HS3ST5: variants seen among roughly 807,000 people sequenced by gnomAD.
HS3ST5 encodes heparan sulfate-glucosamine 3-sulfotransferase 5.
A neutral mutation model predicts 25.4 loss-of-function variants in HS3ST5; 10 were observed. The ratio of observed to expected loss-of-function variants is 0.39; its 90% confidence interval spans 0.24 to 0.67. The LOEUF (loss-of-function observed/expected upper bound fraction) is 0.67. HS3ST5 is among the 30% of genes least tolerant of loss of function. The probability of loss-of-function intolerance (pLI) is 0.44; values close to 1 mark genes in which losing one functional copy is unlikely to be tolerated. For synonymous variants in HS3ST5, 170 were observed against 162.4 expected (o/e 1.05, Z -0.36); for missense variants, 324 against 420.7 (o/e 0.77, Z 2.01).
chr6:114,160,828 A>G (rs1462160042), intron 3 of HS3ST5, among the ~76,000 whole-genome samples: 1 of 152,196 alleles, frequency 6.6e-6, no homozygotes, highest in Non-Finnish European at 1.5e-5. Flanking sequence ...ATTCACACTA[A>G]TGTTTCAACA....
At chr6:114,335,881 T>C (rs1328774647) in intron 1 of HS3ST5, among the ~76,000 whole-genome samples, 1 of 151,970 alleles carries the variant, frequency 6.6e-6, no homozygotes, top group Non-Finnish European at 1.5e-5. Context: ...CTTGATCTCT[T>C]GACCTTGTGA....
At chr6:114,254,241 T>C (rs1451389580) in intron 1 of HS3ST5, among the ~76,000 whole-genome samples, 2 of 152,214 alleles carry the variant, frequency 1.3e-5, no homozygotes, top group Admixed American at 1.3e-4. Context: ...TTTGGCACTG[T>C]GGAAGACCCT....
chr6:114,290,392 C>A (rs1774521343), intron 1 of HS3ST5, among the ~76,000 whole-genome samples: 1 of 152,062 alleles, frequency 6.6e-6, no homozygotes. Context: ...ATGGAGAATT[C>A]AGAACTTCTT....
chr6:114,181,328 G>A (rs1250362011), intron 2 of HS3ST5, among the ~76,000 whole-genome samples: 1 of 152,120 alleles, frequency 6.6e-6, no homozygotes, highest in Non-Finnish European at 1.5e-5. Flanking sequence ...ATGGATATCT[G>A]ATGTTGCCCA....
chr6:114,240,621 A>G (rs1772070361), intron 1 of HS3ST5, among the ~76,000 whole-genome samples: 1 of 152,200 alleles, frequency 6.6e-6, no homozygotes, highest in Non-Finnish European at 1.5e-5. Context: ...ATATTTTTGT[A>G]ATTTAAAGTG....
intron 3 of HS3ST5, among the ~76,000 whole-genome samples, chr6:114,167,314 A>T (rs1306420258): frequency 6.6e-6 from 1 of 152,152 alleles, no homozygotes; most frequent in African/African-American, 2.4e-5. Context: ...TCCTGTTTTG[A>T]GGATGGGAAC....
At position 114,058,106 on chromosome 6, in the gene HS3ST5, C is replaced by G; in HGVS notation, c.192G>C (p.Lys64Asn). The change falls in exon 5 of 5, where the codon AAG becomes AAC. Residue 64 changes from lysine (K) to asparagine (N), a missense_variant. Coordinates refer to ENST00000312719, the MANE Select transcript of HS3ST5 (RefSeq NM_153612.4). ...TCCGGAACTCGTGCAGCAGGCCACG[C>G]TTAAACTGCAGGGCGCGAAGTGGGA... ...AEFPLRALQF[K>N]RGLLHEFRKG... is the part of the protein sequence containing the mutation. The G allele has an allele frequency of 6.2e-7, 1 of 1,614,114 alleles. No individual in the cohort carries two copies. The highest frequency in any genetic ancestry group is 8.5e-7 in the Non-Finnish European group (1 of 1,180,002).
intron 3 of HS3ST5, chr6:114,084,615 C>T: frequency 1.3e-6 from 1 of 788,378 alleles, no homozygotes; most frequent in South Asian, 1.3e-5. Flanking sequence ...TGTTACAGAG[C>T]AATGCTAGGT....
chr6:114,253,506 C>G (rs1471575879), intron 1 of HS3ST5, among the ~76,000 whole-genome samples: 1 of 152,100 alleles, frequency 6.6e-6, no homozygotes, highest in Non-Finnish European at 1.5e-5. Flanking sequence ...TGAAGAGCTA[C>G]CATATTCCTT....
chr6:114,190,494 A>G (rs1449810337), intron 2 of HS3ST5, among the ~76,000 whole-genome samples: 1 of 152,064 alleles, frequency 6.6e-6, no homozygotes, highest in Non-Finnish European at 1.5e-5. Context: ...AAAAAAATAA[A>G]CCCTTTAAAA....
At chr6:114,270,500 C>T (rs1374619154) in intron 1 of HS3ST5, among the ~76,000 whole-genome samples, 1 of 152,032 alleles carries the variant, frequency 6.6e-6, no homozygotes. Context: ...TGACATGATC[C>T]TAAAGTACTG....
intron 2 of HS3ST5, among the ~76,000 whole-genome samples, chr6:114,173,248 A>T (rs547611550): frequency 6.6e-6 from 1 of 152,340 alleles, no homozygotes; most frequent in African/African-American, 2.4e-5. Context: ...CACTCTTTTA[A>T]TGTAATGCTA....
intron 3 of HS3ST5, among the ~76,000 whole-genome samples, chr6:114,124,589 T>C (rs1448427275): frequency 6.6e-6 from 1 of 152,114 alleles, no homozygotes; most frequent in Non-Finnish European, 1.5e-5. Flanking sequence ...TCCATTACTA[T>C]GGTTCAGTTT....
intron 3 of HS3ST5, among the ~76,000 whole-genome samples, chr6:114,104,022 A>C (rs1321739865): frequency 6.6e-6 from 1 of 150,894 alleles, no homozygotes; most frequent in Non-Finnish European, 1.5e-5. Flanking sequence ...TTTTCAAAGC[A>C]CTCTTAAGTA....
At chr6:114,313,025 GAAA>G (rs5879258) in intron 1 of HS3ST5, among the ~76,000 whole-genome samples, 245 of 16,014 alleles carry the variant, frequency 0.015, no homozygotes, top group African/African-American at 0.057. Flanking sequence ...CCCTGCATCA[GAAA>G]AAAAAAAAAA....
chr6:114,088,019 A>G (rs745406913), intron 3 of HS3ST5, among the ~76,000 whole-genome samples: 15 of 152,216 alleles, frequency 9.9e-5, no homozygotes, highest in Non-Finnish European at 2.1e-4. Flanking sequence ...TGGATTTCAA[A>G]GACATAGTAT....
intron 1 of HS3ST5, among the ~76,000 whole-genome samples, chr6:114,314,019 A>AG (rs1366037683): frequency 6.6e-6 from 1 of 152,136 alleles, no homozygotes; most frequent in Middle Eastern, 3.2e-3. Context: ...TCTGCCCCCC[A>AG]GGCTCGCGTG....
At chr6:114,107,594 C>T (rs1776056228) in intron 3 of HS3ST5, among the ~76,000 whole-genome samples, 1 of 152,106 alleles carries the variant, frequency 6.6e-6, no homozygotes. Flanking sequence ...TCTTTGTTTG[C>T]AGATGACATG....
At chr6:114,208,904 C>T (rs62415808) in intron 2 of HS3ST5, among the ~76,000 whole-genome samples, 9,483 of 152,102 alleles carry the variant, frequency 0.062, 335 homozygotes, top group Non-Finnish European at 0.075. Flanking sequence ...TGTGTTTATT[C>T]CCAAATATAG....
Sources: allele counts gnomAD v4.1 joint callset (sites outside exome capture counted in the v4.1 genomes callset), GRCh38; gene constraint gnomAD v4.1.1; transcripts MANE v1.5; gene names NCBI Gene and HGNC (gene_info 2026-07-23, HGNC 2026-07-21).